PIGK: variants seen among roughly 807,000 people sequenced by gnomAD.
PIGK encodes phosphatidylinositol glycan anchor biosynthesis class K.
PIGK carries 42 observed loss-of-function variants against 50.6 expected under a neutral mutation model. That is an observed-to-expected ratio of 0.83 (90% confidence interval 0.65 to 1.07). PIGK has a LOEUF of 1.07. Among genes scored for constraint, PIGK ranks in the 50% least tolerant of loss-of-function variants. The pLI is 0.00. For missense variants in PIGK, 448 were observed against 488.7 expected (o/e 0.92, Z 0.78); for synonymous variants, 151 against 156.0 (o/e 0.97, Z 0.24).
At chr1:77,187,579 C>A (rs1266538609) in intron 3 of PIGK, among the ~76,000 whole-genome samples, 1 of 152,134 alleles carries the variant, frequency 6.6e-6, no homozygotes, top group East Asian at 1.9e-4. Context: ...CAGTGACTGA[C>A]CCAGACTATC....
rs765429307 is a variant in PIGK, at chr1:77,161,578, G to C, written c.702+16C>G. 3.5e-6 allele frequency: 4 copies of C among 1,139,102 alleles called. No homozygotes were observed. The highest frequency in any genetic ancestry group is 3.4e-5 in the Admixed American group (2 of 59,374). 70.6% of individuals were successfully genotyped at this position (1,139,102 alleles called of 1,614,324 possible). A position where few individuals can be genotyped will look rare whatever the true frequency, so the allele number is the denominator to read the frequency against. Reference sequence around the variant, plus strand: ...ATTCCAAAGACACAGTTTACAAATGGGGAAAATGCACATACCGAGAGTGAA... The same window carrying C: ...ATTCCAAAGACACAGTTTACAAATGCGGAAAATGCACATACCGAGAGTGAA... On this transcript the variant is annotated intron_variant, in intron 7 of 10. Transcript: ENST00000370812.
At chr1:77,202,254 C>G (rs1261755983) in intron 3 of PIGK, among the ~76,000 whole-genome samples, 2 of 152,064 alleles carry the variant, frequency 1.3e-5, no homozygotes, top group Admixed American at 6.5e-5. Context: ...AACAACATAC[C>G]AAAGAATGCA....
chr1:77,123,869 G>A (rs930932299), intron 9 of PIGK, among the ~76,000 whole-genome samples: 3 of 152,034 alleles, frequency 2.0e-5, no homozygotes, highest in Non-Finnish European at 2.9e-5. Context: ...CTAACCACCA[G>A]TACCTTAGAA....
intron 10 of PIGK, among the ~76,000 whole-genome samples, chr1:77,118,761 T>G (rs1654033070): frequency 6.6e-6 from 1 of 152,204 alleles, no homozygotes; most frequent in African/African-American, 2.4e-5. Context: ...GATGTCACCT[T>G]TATCATTTAT....
intron 10 of PIGK, among the ~76,000 whole-genome samples, chr1:77,100,133 A>G (rs180734515): frequency 2.6e-5 from 4 of 152,324 alleles, no homozygotes; most frequent in Admixed American, 2.6e-4. Flanking sequence ...ATTATGTAAA[A>G]AGAAAAAACT....
At chr1:77,180,392 AT>A (rs1655583636) in intron 3 of PIGK, among the ~76,000 whole-genome samples, 1 of 152,210 alleles carries the variant, frequency 6.6e-6, no homozygotes, top group Non-Finnish European at 1.5e-5. Context: ...GTTAAAAAAA[AT>A]GGGAGGGCAC....
chr1:77,106,944 T>A (rs952845499), intron 10 of PIGK, among the ~76,000 whole-genome samples: 1 of 151,984 alleles, frequency 6.6e-6, no homozygotes, highest in African/African-American at 2.4e-5. Flanking sequence ...ATCCCCTTTA[T>A]CATTTTTTAT....
chr1:77,169,191 T>A, intron 4 of PIGK, 69 bp downstream of exon 4: 4 of 980,978 alleles, frequency 4.1e-6, no homozygotes, highest in Non-Finnish European at 5.8e-6. Context: ...ACAATTTTAT[T>A]CTGCCATTGT....
chr1:77,172,040 A>G (rs1655374326), intron 3 of PIGK, among the ~76,000 whole-genome samples: 1 of 151,896 alleles, frequency 6.6e-6, no homozygotes, highest in African/African-American at 2.4e-5. Flanking sequence ...TGTGTTTAAC[A>G]GAAGAGCTTC....
intron 3 of PIGK, among the ~76,000 whole-genome samples, chr1:77,190,333 C>T (rs1429434784): frequency 6.6e-6 from 1 of 151,898 alleles, no homozygotes; most frequent in Non-Finnish European, 1.5e-5. Flanking sequence ...CCCAGGAGAT[C>T]GAAGTTACAG....
At chr1:77,200,097 A>ACT (rs1009198586) in intron 3 of PIGK, among the ~76,000 whole-genome samples, 5 of 152,178 alleles carry the variant, frequency 3.3e-5, no homozygotes, top group African/African-American at 1.2e-4. Flanking sequence ...CAACAGAGTT[A>ACT]CTGCAGGTTC....
intron 8 of PIGK, among the ~76,000 whole-genome samples, chr1:77,156,073 A>G (rs976753785): frequency 9.2e-5 from 14 of 152,176 alleles, no homozygotes; most frequent in Admixed American, 9.2e-4. Context: ...CTCAGGATAC[A>G]AATTAAAAAG....
chr1:77,098,851 GA>G (rs1013131198), intron 10 of PIGK, among the ~76,000 whole-genome samples: 2 of 151,856 alleles, frequency 1.3e-5, no homozygotes, highest in African/African-American at 2.4e-5. Flanking sequence ...GCTAACACTT[GA>G]AAAAAATCAT....
intron 3 of PIGK, among the ~76,000 whole-genome samples, chr1:77,196,488 A>G (rs1570257056): frequency 6.6e-6 from 1 of 152,002 alleles, no homozygotes; most frequent in East Asian, 1.9e-4. Flanking sequence ...AACATCTTTT[A>G]TTTTTTGACT....
intron 10 of PIGK, among the ~76,000 whole-genome samples, chr1:77,095,075 A>C (rs554983975): frequency 6.6e-6 from 1 of 152,300 alleles, no homozygotes; most frequent in Admixed American, 6.5e-5. Context: ...TATGTTTCTT[A>C]ATGTTCGTTC....
chr1:77,116,691 C>G (rs1017306451), intron 10 of PIGK, among the ~76,000 whole-genome samples: 50 of 151,308 alleles, frequency 3.3e-4, no homozygotes, highest in Admixed American at 9.2e-4. Flanking sequence ...TCATCAGGAC[C>G]AAGAACAGAG....
chr1:77,172,930 AAAT>A (rs928511163), intron 3 of PIGK, among the ~76,000 whole-genome samples: 1 of 152,098 alleles, frequency 6.6e-6, no homozygotes, highest in Non-Finnish European at 1.5e-5. Context: ...CCTCAGAAAA[AAAT>A]AATAATAATA....
chr1:77,200,511 C>T (rs1005715480), intron 3 of PIGK, among the ~76,000 whole-genome samples: 1 of 151,766 alleles, frequency 6.6e-6, no homozygotes, highest in East Asian at 1.9e-4. Flanking sequence ...TATCTATAGA[C>T]TGTCATAAGA....
chr1:77,212,824 T>G (rs926431977), intron 1 of PIGK, among the ~76,000 whole-genome samples: 1 of 152,168 alleles, frequency 6.6e-6, no homozygotes, highest in Non-Finnish European at 1.5e-5. Context: ...TTATTAGATC[T>G]AAAGGGAGAG....
Sources: allele counts gnomAD v4.1 joint callset (sites outside exome capture counted in the v4.1 genomes callset), GRCh38; gene constraint gnomAD v4.1.1; transcripts MANE v1.5; gene names NCBI Gene and HGNC (gene_info 2026-07-23, HGNC 2026-07-21).